Variants in MACF1 observed in about 807,000 individuals in gnomAD.
MACF1 encodes the protein microtubule-actin cross-linking factor 1.
MACF1 carries 193 observed loss-of-function variants against 854.8 expected under a neutral mutation model. That is an observed-to-expected ratio of 0.23 (90% CI 0.20 to 0.25). MACF1 has a LOEUF of 0.25. MACF1 is among the 10% of genes least tolerant of loss of function. MACF1 has a pLI of 1.00. For synonymous variants in MACF1, 3,185 were observed against 3,226.7 expected (o/e 0.99, Z 0.44); for missense variants, 7,722 against 8,929.1 (o/e 0.86, Z 5.45).
Position 39,486,655 on chromosome 1 carries a change from C to CA in MACF1, c.*862dup, listed in dbSNP as rs1303527044. 1 of 152,588 alleles carries CA rather than the reference C, an allele frequency of 6.6e-6. No homozygotes were observed. Among genetic ancestry groups the CA allele is most frequent in the East Asian group, 1.9e-4 (1 of 5,204 alleles). 9.5% of individuals were successfully genotyped at this position (152,588 alleles called of 1,614,324 possible). On this transcript the variant is annotated 3_prime_UTR_variant, in exon 101 of 101. Transcript: ENST00000564288. ...TTATTTAAATGGTCGATCAACTTCC[C>CA]ACAAACTGAGGAATGAATTCCACGA...
upstream of MACF1, among the ~76,000 whole-genome samples, chr1:39,200,649 A>G (rs755046653): frequency 6.6e-6 from 1 of 152,064 alleles, no homozygotes; most frequent in Non-Finnish European, 1.5e-5. Context: ...CAGTGAGCCA[A>G]GATAGTGCCA....
At chr1:39,236,046 A>T (rs1454726698) in intron 2 of MACF1, among the ~76,000 whole-genome samples, 1 of 152,132 alleles carries the variant, frequency 6.6e-6, no homozygotes, top group Non-Finnish European at 1.5e-5. Context: ...TCTAAATCAG[A>T]CATTCTGTAT....
chr1:39,269,912 C>T (rs1252808498), intron 6 of MACF1, among the ~76,000 whole-genome samples: 3 of 152,200 alleles, frequency 2.0e-5, no homozygotes, highest in Non-Finnish European at 4.4e-5. Flanking sequence ...GAAACCAAGA[C>T]TTGTCTCTGG....
At chr1:39,156,037 G>A (rs796578193) in intron 2 of MACF1, among the ~76,000 whole-genome samples, 9 of 152,090 alleles carry the variant, frequency 5.9e-5, no homozygotes, top group South Asian at 2.1e-4. Context: ...ACAGGCGCCC[G>A]CCACCGCACC....
rs774399403 is a variant in MACF1, at chr1:39,440,111, C to CTTTTTTTTTTTTTTTTTTTTTTTT, written c.18447+629_18447+630insTTTTTTTTTTTTTTTTTTTTTTTT. ...CTTTTCTTTTCTTTTCTTTTCTTTT[C>CTTTTTTTTTTTTTTTTTTTTTTTT]TTTTTTTTTTTTTTTTTTGGAGACA... is the stretch of plus-strand genomic sequence containing the variant. On this transcript the variant is annotated intron_variant, in intron 72 of 100. Transcript: ENST00000564288. 2.8e-4 allele frequency among the ~76,000 whole-genome samples: 18 copies of CTTTTTTTTTTTTTTTTTTTTTTTT among 64,566 alleles called. 1 individual carries two copies. The highest frequency in any genetic ancestry group is 1.0e-3 in the African/African-American group (15 of 14,882). The allele number at this position is 64,566 out of a possible 152,430, so 42.4% of individuals were successfully genotyped here.
intron 15 of MACF1, among the ~76,000 whole-genome samples, chr1:39,288,054 G>T (rs1192624008): frequency 6.6e-6 from 1 of 151,874 alleles, no homozygotes; most frequent in Non-Finnish European, 1.5e-5. Flanking sequence ...TACATAGAAG[G>T]TACATATATT....
chr1:39,459,741 A>G, intron 91 of MACF1: 4 of 1,011,600 alleles, frequency 4.0e-6, no homozygotes, highest in Non-Finnish European at 5.4e-6. Flanking sequence ...CAGTATAAAA[A>G]ATATAGTACT....
chr1:39,284,196 G>A lies in MACF1; in HGVS notation c.1035+11G>A, dbSNP rs767292129. On this transcript the variant is annotated intron_variant, in intron 10 of 100. Transcript: ENST00000564288. ...CCTGTTGAACTAAAGGTAAAGTCAA[G>A]GACTTAAATTTTTTTGGTAAAATCT... 73 of 1,608,674 alleles carry A rather than the reference G, an allele frequency of 4.5e-5. No homozygotes were observed. The highest frequency in any genetic ancestry group is 6.2e-5 in the Non-Finnish European group (73 of 1,178,502).
intron 2 of MACF1, among the ~76,000 whole-genome samples, chr1:39,121,540 C>T (rs1366707260): frequency 6.6e-6 from 1 of 152,078 alleles, no homozygotes; most frequent in Admixed American, 6.6e-5. Flanking sequence ...ACTTCGCCTC[C>T]CGGGTTCAAG....
At chr1:39,206,908 G>T (rs556768763) in intron 1 of MACF1, 1 of 151,602 alleles carries the variant, frequency 6.6e-6, no homozygotes, top group African/African-American at 2.4e-5. Context: ...CACCATCTCT[G>T]TGTATATATT....
At chr1:39,446,222 GGT>G (rs2148671483) in intron 80 of MACF1, among the ~76,000 whole-genome samples, 1 of 151,718 alleles carries the variant, frequency 6.6e-6, no homozygotes, top group South Asian at 2.1e-4. Flanking sequence ...AAATGTGTGT[GGT>G]GCTGTAGTAA....
intron 94 of MACF1, chr1:39,464,096 T>C (rs574590613): frequency 4.9e-5 from 9 of 182,054 alleles, no homozygotes; most frequent in Middle Eastern, 2.6e-3. Flanking sequence ...ACACTGTGCC[T>C]GCTCTGAGCT....
intron 19 of MACF1, 151 bp from the exon 20 acceptor site, chr1:39,295,636 G>A: frequency 1.7e-6 from 1 of 595,814 alleles, no homozygotes; most frequent in Non-Finnish European, 3.0e-6. Flanking sequence ...TTACTCGTGG[G>A]AAGCATTGAG....
Position 39,333,718 on chromosome 1 carries a change from G to T in MACF1, c.7130G>T (p.Arg2377Leu). The T allele has an allele frequency of 8.1e-6, 13 of 1,614,156 alleles. No individual in the cohort carries two copies. The highest frequency in any genetic ancestry group is 1.1e-5 in the Non-Finnish European group (13 of 1,180,020). Residue 2377 changes from arginine to leucine, a missense_variant, in exon 37 of 101, where the codon CGT becomes CTT. By Grantham distance (102) the Arg-to-Leu change is moderately radical. Coordinates refer to ENST00000564288, the MANE Select transcript of MACF1 (RefSeq NM_001394062.1). ...GCTATAAGTGGTGTCTTAGACCCCC[G>T]TACCCAGACACTGTGCTCTGTAAAG... ...DKAISGVLDP[R>L]TQTLCSVKDA...
At chr1:39,107,539 C>T (rs140424086) in intron 2 of MACF1, among the ~76,000 whole-genome samples, 7 of 152,126 alleles carry the variant, frequency 4.6e-5, no homozygotes, top group African/African-American at 1.4e-4. Context: ...CTCTTCCCCC[C>T]ACTGCACCGT....
intron 2 of MACF1, among the ~76,000 whole-genome samples, chr1:39,096,219 T>C (rs1313459318): frequency 6.8e-6 from 1 of 147,740 alleles, no homozygotes; most frequent in Non-Finnish European, 1.5e-5. Flanking sequence ...AAAGATTGAG[T>C]CTTGCTTTGG....
chr1:39,363,264 C>T lies in MACF1; in HGVS notation c.12771+1587C>T, dbSNP rs549918685. On this transcript the variant is annotated intron_variant, in intron 49 of 100. Transcript: ENST00000564288. ...CATTAACATAGGTCAAAAGTTAAAA[C>T]TCTTCAAAAAGTTATACTCAAGGTA... Among the ~76,000 whole-genome samples, 9 of 152,236 alleles carry T rather than the reference C, an allele frequency of 5.9e-5. No individual in the cohort carries two copies. The South Asian group carries it at 1.2e-3, about 21-fold the overall frequency.
chr1:39,117,706 T>C (rs1430886469), intron 2 of MACF1, among the ~76,000 whole-genome samples: 1 of 152,220 alleles, frequency 6.6e-6, no homozygotes, highest in Non-Finnish European at 1.5e-5. Context: ...CCTCTTTGAA[T>C]GTAGAATATA....
At chr1:39,253,270 G>A in intron 4 of MACF1, among the ~76,000 whole-genome samples, 1 of 152,094 alleles carries the variant, frequency 6.6e-6, no homozygotes, top group East Asian at 1.9e-4. Context: ...TATGACATCT[G>A]GGATTGAGTG....
Sources: allele counts gnomAD v4.1 joint callset (sites outside exome capture counted in the v4.1 genomes callset), GRCh38; gene constraint gnomAD v4.1.1; transcripts MANE v1.5; gene names NCBI Gene and HGNC (gene_info 2026-07-23, HGNC 2026-07-21).